CELF4: variants seen among roughly 807,000 people sequenced by gnomAD.
The protein encoded by CELF4 is CUG-BP- and ETR-3-like factor 4.
CELF4 carries 18 observed loss-of-function variants against 59.9 expected under a neutral mutation model. The observed-to-expected ratio is 0.30, with a 90% CI of 0.21 to 0.45. CELF4 has a LOEUF of 0.45. Ranked by LOEUF, CELF4 falls within the 20% of genes least tolerant of loss-of-function variation. CELF4 has a pLI of 1.00. For synonymous variants in CELF4, 261 were observed against 267.1 expected (o/e 0.98, Z 0.22); for missense variants, 456 against 689.0 (o/e 0.66, Z 3.79).
chr18:37,541,609 C>T (rs1170075034), intron 1 of CELF4, among the ~76,000 whole-genome samples: 2 of 152,116 alleles, frequency 1.3e-5, no homozygotes, highest in Non-Finnish European at 2.9e-5. Context: ...ACAATTCAGA[C>T]ACCCCTGCCA....
At chr18:37,537,796 C>G (rs2099974720) in intron 1 of CELF4, among the ~76,000 whole-genome samples, 1 of 152,234 alleles carries the variant, frequency 6.6e-6, no homozygotes, top group South Asian at 2.1e-4. Flanking sequence ...CTTTTTTATT[C>G]AACCTGAGGT....
chr18:37,314,084 G>A (rs1328750854), intron 3 of CELF4, among the ~76,000 whole-genome samples: 1 of 152,184 alleles, frequency 6.6e-6, no homozygotes, highest in Non-Finnish European at 1.5e-5. Context: ...ACCCTGCCCA[G>A]GTACCACCAG....
rs183396355 is a variant in CELF4, at chr18:37,503,049, G to A, written c.287-17442C>T. Among the ~76,000 whole-genome samples, 21 of 152,312 alleles carry A rather than the reference G, an allele frequency of 1.4e-4. No homozygotes were observed. In the East Asian group the frequency reaches 1.5e-3, roughly 11 times the overall value. ...TGTGAGCAGATGACATTTCCACCAC[G>A]GTGCAGAGGATACCCATGAGGCACA... is the stretch of plus-strand genomic sequence containing the variant. On this transcript the variant is annotated intron_variant, in intron 1 of 12. Transcript: ENST00000420428.
At position 37,518,400 on chromosome 18, in the gene CELF4, C is replaced by T. The variant is rs534741507; in HGVS notation, c.287-32793G>A. 8.5e-5 allele frequency among the ~76,000 whole-genome samples: 13 copies of T among 152,122 alleles called. No homozygotes were observed. In the South Asian group the frequency reaches 2.1e-3, roughly 24 times the overall value. Reference sequence around the variant, plus strand: ...ATGACCCTGTTTATCCTCCCCTGAACGAGAAGTATTAATGGAGGAAACAAA... The same window carrying T: ...ATGACCCTGTTTATCCTCCCCTGAATGAGAAGTATTAATGGAGGAAACAAA... On this transcript the variant is annotated intron_variant, in intron 1 of 12. Coordinates refer to ENST00000420428, the MANE Select transcript of CELF4 (RefSeq NM_020180.4).
intron 2 of CELF4, among the ~76,000 whole-genome samples, chr18:37,450,444 C>T (rs1222256124): frequency 6.6e-6 from 1 of 151,586 alleles, no homozygotes. Context: ...TTCTTTCTCT[C>T]AGAACAGGAA....
chr18:37,476,432 A>T (rs2099849238), intron 2 of CELF4, among the ~76,000 whole-genome samples: 1 of 152,246 alleles, frequency 6.6e-6, no homozygotes, highest in South Asian at 2.1e-4. Context: ...TTTGATTAAA[A>T]AAAAGGGTGC....
intron 2 of CELF4, among the ~76,000 whole-genome samples, chr18:37,444,572 C>T (rs1407086478): frequency 6.6e-6 from 1 of 150,624 alleles, no homozygotes; most frequent in Non-Finnish European, 1.5e-5. Flanking sequence ...CAAAGCTGCC[C>T]TTCTCCAAGA....
At chr18:37,470,077 T>C (rs1270387002) in intron 2 of CELF4, among the ~76,000 whole-genome samples, 5 of 152,254 alleles carry the variant, frequency 3.3e-5, no homozygotes, top group Non-Finnish European at 7.3e-5. Flanking sequence ...ATCTGTTAGA[T>C]ACTGAATACT....
intron 2 of CELF4, among the ~76,000 whole-genome samples, chr18:37,475,484 C>A (rs1252718783): frequency 2.0e-5 from 3 of 152,182 alleles, no homozygotes; most frequent in African/African-American, 4.8e-5. Flanking sequence ...GAGGCTCAGG[C>A]AAGGGCGAGA....
chr18:37,358,063 C>A (rs145432383), intron 2 of CELF4, among the ~76,000 whole-genome samples: 7 of 152,182 alleles, frequency 4.6e-5, no homozygotes, highest in African/African-American at 1.7e-4. Context: ...TGAGTTAAGA[C>A]TTTGGGGGAC....
intron 3 of CELF4, among the ~76,000 whole-genome samples, chr18:37,300,759 G>T (rs192537361): frequency 6.6e-6 from 1 of 152,372 alleles, no homozygotes; most frequent in Admixed American, 6.5e-5. Context: ...GAAGCAGATG[G>T]AGGAGCTGGG....
intron 3 of CELF4, among the ~76,000 whole-genome samples, chr18:37,298,630 C>T (rs1301192033): frequency 1.3e-5 from 2 of 151,128 alleles, no homozygotes; most frequent in African/African-American, 4.9e-5. Flanking sequence ...GAGGCTGAGG[C>T]AGGAGAATCG....
rs866739300 is a variant in CELF4 at position 37,304,965 on chromosome 18, G to C, written c.448+16838C>G. Among the ~76,000 whole-genome samples, 5 of 152,332 alleles carry C rather than the reference G, an allele frequency of 3.3e-5. No homozygotes were observed. The East Asian group carries it at 7.7e-4, about 24-fold the overall frequency. ...CTCCACAGGAATAGGGTTCCCAGGT[G>C]GGGGAGCATGGCTCAGGGATGGTGG... On this transcript the variant is annotated intron_variant, in intron 3 of 12. Coordinates refer to ENST00000420428, the MANE Select transcript of CELF4 (RefSeq NM_020180.4).
At chr18:37,401,461 C>T (rs574495562) in intron 2 of CELF4, among the ~76,000 whole-genome samples, 3 of 152,282 alleles carry the variant, frequency 2.0e-5, no homozygotes, top group South Asian at 2.1e-4. Context: ...GAGTGTGATC[C>T]GGCCATCTTA....
At chr18:37,275,716 C>G (rs551141912) in intron 3 of CELF4, 32 of 170,218 alleles carry the variant, frequency 1.9e-4, no homozygotes, top group Non-Finnish European at 2.8e-4. Flanking sequence ...GCCTGGAGCG[C>G]ACTTATCACA....
At chr18:37,537,016 C>A (rs373725358) in intron 1 of CELF4, among the ~76,000 whole-genome samples, 1 of 152,206 alleles carries the variant, frequency 6.6e-6, no homozygotes, top group Non-Finnish European at 1.5e-5. Context: ...GCACGACTGG[C>A]GGGTGTCATA....
At chr18:37,532,432 A>G (rs912865861) in intron 1 of CELF4, among the ~76,000 whole-genome samples, 1 of 152,188 alleles carries the variant, frequency 6.6e-6, no homozygotes, top group African/African-American at 2.4e-5. Flanking sequence ...AGATGGAGGG[A>G]TGGATGCTAT....
rs1557327923 is a variant in CELF4, at chr18:37,353,233, A to AATATATATATATAT, written c.370-31366_370-31353dup. On this transcript the variant is annotated intron_variant, in intron 2 of 12. Coordinates refer to ENST00000420428, the MANE Select transcript of CELF4 (RefSeq NM_020180.4). ...GAGACTCCGTCTCAAAAAAAAAAAAAATATATATATATATATACATAAAAG... is the reference window on the plus strand; with the variant it reads ...GAGACTCCGTCTCAAAAAAAAAAAAAATATATATATATATATATATATATATATATACATAAAAG... 3.7e-4 allele frequency among the ~76,000 whole-genome samples: 40 copies of AATATATATATATAT among 107,008 alleles called. 3 individuals carry two copies. The highest frequency in any genetic ancestry group is 6.0e-4 in the Non-Finnish European group (33 of 55,000). The allele number at this position is 107,008 out of a possible 152,430, so 70.2% of individuals were successfully genotyped here. A position where few individuals can be genotyped will look rare whatever the true frequency, so the allele number is the denominator to read the frequency against.
intron 3 of CELF4, among the ~76,000 whole-genome samples, chr18:37,295,978 CTG>C (rs374258821): frequency 3.0e-4 from 45 of 152,318 alleles, no homozygotes; most frequent in African/African-American, 1.1e-3. Flanking sequence ...GAGAGGAGCT[CTG>C]TGAGGAGCTC....
Sources: allele counts gnomAD v4.1 joint callset (sites outside exome capture counted in the v4.1 genomes callset), GRCh38; gene constraint gnomAD v4.1.1; transcripts MANE v1.5; gene names NCBI Gene and HGNC (gene_info 2026-07-23, HGNC 2026-07-21).